Variants in PLCG1 observed in about 807,000 individuals in gnomAD.
PLCG1 encodes the protein phospholipase C gamma 1, also known as 1-phosphatidylinositol 4,5-bisphosphate phosphodiesterase gamma-1.
Under a neutral mutation model 177.8 loss-of-function variants are expected in PLCG1, and 71 were observed. The ratio of observed to expected loss-of-function variants is 0.40; its 90% CI spans 0.33 to 0.49. PLCG1 has a LOEUF of 0.49. Ranked by LOEUF, PLCG1 falls within the 20% of genes least tolerant of loss-of-function variation. The probability of loss-of-function intolerance (pLI) is 0.72; values close to 1 mark genes in which losing one functional copy is unlikely to be tolerated. For missense variants in PLCG1, 1,281 were observed against 1,709.0 expected (o/e 0.75, Z 4.42); for synonymous variants, 658 against 647.9 (o/e 1.02, Z -0.24).
At chr20:41,161,103 C>G (rs2035480741) in intron 4 of PLCG1, among the ~76,000 whole-genome samples, 2 of 152,022 alleles carry the variant, frequency 1.3e-5, no homozygotes. Flanking sequence ...ACCTAGGGGG[C>G]AAGCAGACCA....
rs1342958635 is a variant in PLCG1 at position 41,163,672 on chromosome 20, G to T, written c.892-43G>T. On this transcript the variant is annotated intron_variant, in intron 9 of 31. Coordinates refer to ENST00000685551, the MANE Select transcript of PLCG1 (RefSeq NM_002660.3). The surrounding 1 kb of genome is among the most constrained non-coding windows in gnomAD (Gnocchi z 5.2). ...AACCTACCATCTTGGGTTGGACAGG[G>T]CAGGGACTCACTGTCTCTTCCCTTC... 1 of 1,380,596 alleles carries T rather than the reference G, an allele frequency of 7.2e-7. No individual in the cohort carries two copies. Among genetic ancestry groups the T allele is most frequent in the Admixed American group, 1.7e-5 (1 of 59,720 alleles). The allele number at this position is 1,380,596 out of a possible 1,614,324, so 85.5% of individuals were successfully genotyped here.
chr20:41,171,586 CAAAAAAAAAAAAAA>C (rs71844995), intron 24 of PLCG1, among the ~76,000 whole-genome samples: 2 of 64,098 alleles, frequency 3.1e-5, no homozygotes, highest in Non-Finnish European at 5.7e-5. Flanking sequence ...GACTCTGTCT[CAAAAAAAAAAAAAA>C]AAAAAAAAAG....
In PLCG1 at chr20:41,168,758, C is replaced by A. The variant is rs777494955; in HGVS notation, c.2380-9C>A. 5 of 1,570,050 alleles carry A rather than the reference C, an allele frequency of 3.2e-6. No homozygotes were observed. In the East Asian group the frequency reaches 9.0e-5, roughly 28 times the overall value. ...TTTCTGCTCTGACTGGTGCTTCTCA[C>A]CTCTGCAGTGTGCAGTCAAAGCCCT... On this transcript the variant is annotated splice_polypyrimidine_tract_variant and intron_variant, in intron 20 of 31. Coordinates refer to ENST00000685551, the MANE Select transcript of PLCG1 (RefSeq NM_002660.3).
chr20:41,159,849 CT>C lies in PLCG1; in HGVS notation c.371-20del. ...TGGGAGGTATGTGCCCTCGGGGCAG[CT>C]ATTGATACCTTGCTCACAGCCACAT... is the stretch of plus-strand genomic sequence containing the variant. On this transcript the variant is annotated intron_variant, in intron 2 of 31. Coordinates refer to ENST00000685551, the MANE Select transcript of PLCG1 (RefSeq NM_002660.3). The surrounding 1 kb of genome is among the most constrained non-coding windows in gnomAD (Gnocchi z 6.0). The C allele has an allele frequency of 6.2e-7, 1 of 1,612,822 alleles. No individual in the cohort carries two copies. Among genetic ancestry groups the C allele is most frequent in the Non-Finnish European group, 8.5e-7 (1 of 1,178,800 alleles).
At chr20:41,162,607 C>T in intron 5 of PLCG1, 35 bp from the exon 6 acceptor site, 1 of 1,608,744 alleles carries the variant, frequency 6.2e-7, no homozygotes, top group Non-Finnish European at 8.5e-7. Context: ...GGGGGCCTGA[C>T]TGCCTGACTG....
Position 41,165,397 on chromosome 20 carries a change from G to A in PLCG1, c.1509+30G>A. ...GGACTGGGCCAGGCTGGGGGTGGTA[G>A]GCCAGTGGGTGTGAGGACCCTGGCT... On this transcript the variant is annotated intron_variant, in intron 14 of 31. Coordinates refer to ENST00000685551, the MANE Select transcript of PLCG1 (RefSeq NM_002660.3). This position sits in a 1 kb window ranked among gnomAD's most constrained non-coding sequence, Gnocchi z 6.6. 1 of 1,613,966 alleles carries A rather than the reference G, an allele frequency of 6.2e-7. No homozygotes were observed. The highest frequency in any genetic ancestry group is 8.5e-7 in the Non-Finnish European group (1 of 1,179,892).
intron 1 of PLCG1, among the ~76,000 whole-genome samples, chr20:41,149,131 C>T (rs1208546331): frequency 6.6e-6 from 1 of 152,214 alleles, no homozygotes; most frequent in Non-Finnish European, 1.5e-5. Flanking sequence ...TGTTGCTCAT[C>T]GTCTCTTCCC....
chr20:41,173,772 T>G lies in PLCG1; in HGVS notation c.3515T>G (p.Phe1172Cys). ...GAAGACATGTTTAGTGACCAGAATT[T>G]CCTGGCTCAGGCTACTTTCCCAGTA... ...YEEDMFSDQN[F>C]LAQATFPVKG... is the part of the protein sequence containing the mutation. Residue 1172 changes from phenylalanine (F) to cysteine (C), a missense_variant, in exon 29 of 32, where the codon TTC (phenylalanine) becomes TGC (cysteine). Physicochemically the swap from Phe to Cys is radical, Grantham distance 205. Transcript: ENST00000685551. This position sits in a 1 kb window ranked among gnomAD's most constrained non-coding sequence, Gnocchi z 6.2. 1 of 1,614,162 alleles carries G rather than the reference T, an allele frequency of 6.2e-7. No homozygotes were observed. Among genetic ancestry groups the G allele is most frequent in the Non-Finnish European group, 8.5e-7 (1 of 1,180,020 alleles).
Position 41,153,351 on chromosome 20 carries a change from T to C in PLCG1, c.218-6255T>C, listed in dbSNP as rs577789374. On this transcript the variant is annotated intron_variant, in intron 1 of 31. Coordinates refer to ENST00000685551, the MANE Select transcript of PLCG1 (RefSeq NM_002660.3). The surrounding 1 kb of genome is among the most constrained non-coding windows in gnomAD (Gnocchi z 5.1). ...AGTACAGTACTGTGATCATAGCTCA[T>C]AGAGCTTCCTACTCATCTGCAGCCT... 1.3e-5 allele frequency among the ~76,000 whole-genome samples: 2 copies of C among 152,324 alleles called. No individual in the cohort carries two copies. The highest frequency in any genetic ancestry group is 4.8e-5 in the African/African-American group (2 of 41,574).
Position 41,148,885 on chromosome 20 carries a change from A to C in PLCG1, c.218-10721A>C, listed in dbSNP as rs561632787. ...TAGGGTACAGGCAGTCTTGGCTTTG[A>C]AGTATTGTTGGCTTTGCCACTCACC... On this transcript the variant is annotated intron_variant, in intron 1 of 31. Coordinates refer to ENST00000685551, the MANE Select transcript of PLCG1 (RefSeq NM_002660.3). This position sits in a 1 kb window ranked among gnomAD's most constrained non-coding sequence, Gnocchi z 4.3. Among the ~76,000 whole-genome samples the C allele has an allele frequency of 5.9e-5, 9 of 152,262 alleles. No individual in the cohort carries two copies. Among genetic ancestry groups the C allele is most frequent in the African/African-American group, 1.9e-4 (8 of 41,548 alleles).
Position 41,172,148 on chromosome 20 carries a change from G to C in PLCG1, c.2809-45G>C, listed in dbSNP as rs779081283. The C allele has an allele frequency of 2.0e-6, 3 of 1,492,230 alleles. No individual in the cohort carries two copies. The African/African-American group carries it at 4.1e-5, about 21-fold the overall frequency. 92.4% of individuals were successfully genotyped at this position (1,492,230 alleles called of 1,614,324 possible). On this transcript the variant is annotated intron_variant, in intron 24 of 31. Transcript: ENST00000685551. The surrounding 1 kb of genome is among the most constrained non-coding windows in gnomAD (Gnocchi z 7.0). ...GTTGGCAGGGGCTTCCTTCTCCTGGGCAGGGCTGTAGCCTGGGGCTACAGG... is the reference window on the plus strand; with the variant it reads ...GTTGGCAGGGGCTTCCTTCTCCTGGCCAGGGCTGTAGCCTGGGGCTACAGG...
rs974305172 is a variant in PLCG1, at chr20:41,167,795, T to A, written c.2302-57T>A. 7.9e-7 allele frequency: 1 copy of A among 1,270,396 alleles called. No individual in the cohort carries two copies. The highest frequency in any genetic ancestry group is 1.2e-6 in the Non-Finnish European group (1 of 869,268). 78.7% of individuals were successfully genotyped at this position (1,270,396 alleles called of 1,614,324 possible). A position where few individuals can be genotyped will look rare whatever the true frequency, so the allele number is the denominator to read the frequency against. On this transcript the variant is annotated intron_variant, in intron 19 of 31. Transcript: ENST00000685551. The surrounding 1 kb of genome is among the most constrained non-coding windows in gnomAD (Gnocchi z 4.4). Reference sequence around the variant, plus strand: ...GGAAGCTGCTCCAGAAACCAGTAGCTGCTTTCTACCTCTGGGCTCTGGGGC... The same window carrying A: ...GGAAGCTGCTCCAGAAACCAGTAGCAGCTTTCTACCTCTGGGCTCTGGGGC...
Position 41,137,760 on chromosome 20 carries a change from C to T in PLCG1, c.119C>T (p.Ser40Phe). 1.5e-6 allele frequency: 2 copies of T among 1,291,516 alleles called. No individual in the cohort carries two copies. Among genetic ancestry groups the T allele is most frequent in the African/African-American group, 1.5e-5 (1 of 65,580 alleles). The allele number at this position is 1,291,516 out of a possible 1,614,324, so 80.0% of individuals were successfully genotyped here. A position where few individuals can be genotyped will look rare whatever the true frequency, so the allele number is the denominator to read the frequency against. The change falls in exon 1 of 32, where the codon TCC (serine) becomes TTC (phenylalanine). Residue 40 changes from serine to phenylalanine, a missense_variant. This residue lies in a region of PLCG1 where 374 missense variants were observed against 443.8 expected (regional missense o/e 0.84). Coordinates refer to ENST00000685551, the MANE Select transcript of PLCG1 (RefSeq NM_002660.3). This position sits in a 1 kb window ranked among gnomAD's most constrained non-coding sequence, Gnocchi z 7.3. ...GGCACCGTCATGACTTTGTTCTACTCCAAGAAGTCGCAGCGACCCGAGCGG... is the reference window on the plus strand; with the variant it reads ...GGCACCGTCATGACTTTGTTCTACTTCAAGAAGTCGCAGCGACCCGAGCGG... ...EVGTVMTLFY[S>F]KKSQRPERKT...
rs1189630843 is a variant in PLCG1 at position 41,148,384 on chromosome 20, GC to G, written c.217+10530del. ...CTTCCCCCACCACTATGAGTCCTAG[GC>G]CCCTGTTGTTTCCTTGTAGGAGGGA... On this transcript the variant is annotated intron_variant, in intron 1 of 31. Transcript: ENST00000685551. The surrounding 1 kb of genome is among the most constrained non-coding windows in gnomAD (Gnocchi z 4.3). 3.3e-5 allele frequency among the ~76,000 whole-genome samples: 5 copies of G among 152,054 alleles called. No individual in the cohort carries two copies. The highest frequency in any genetic ancestry group is 1.2e-4 in the African/African-American group (5 of 41,388).
In PLCG1 at chr20:41,146,479, C is replaced by T. The variant is rs1022080290; in HGVS notation, c.217+8621C>T. ...GGCTGTGAGGGGCCTGGGCGCAAGG[C>T]AGCAAGGCTTGGGTACGGAGGAGAG... is the stretch of plus-strand genomic sequence containing the variant. On this transcript the variant is annotated intron_variant, in intron 1 of 31. Coordinates refer to ENST00000685551, the MANE Select transcript of PLCG1 (RefSeq NM_002660.3). The surrounding 1 kb of genome is among the most constrained non-coding windows in gnomAD (Gnocchi z 6.3). Among the ~76,000 whole-genome samples the T allele has an allele frequency of 3.3e-5, 5 of 152,222 alleles. No homozygotes were observed. The highest frequency in any genetic ancestry group is 1.2e-4 in the African/African-American group (5 of 41,444).
Position 41,163,896 on chromosome 20 carries a change from TA to T in PLCG1, c.1011-24del, listed in dbSNP as rs754058965. Reference sequence around the variant, plus strand: ...CCAGGAGGGCCCATCTGACCATACCTACCTGCCTCTCCTTGCCTATCCAGGT... The same window carrying T: ...CCAGGAGGGCCCATCTGACCATACCTCCTGCCTCTCCTTGCCTATCCAGGT... On this transcript the variant is annotated intron_variant, in intron 10 of 31. Coordinates refer to ENST00000685551, the MANE Select transcript of PLCG1 (RefSeq NM_002660.3). This position sits in a 1 kb window ranked among gnomAD's most constrained non-coding sequence, Gnocchi z 5.2. The T allele has an allele frequency of 1.9e-5, 31 of 1,612,778 alleles. No homozygotes were observed. The South Asian group carries it at 3.4e-4, about 18-fold the overall frequency.
rs192702880 is a variant in PLCG1, at chr20:41,157,524, G to T, written c.218-2082G>T. On this transcript the variant is annotated intron_variant, in intron 1 of 31. Transcript: ENST00000685551. This position sits in a 1 kb window ranked among gnomAD's most constrained non-coding sequence, Gnocchi z 5.4. ...TTTGGTTTTCCCTCCTTCTGCCTGT[G>T]TACCTGCCTTTTTCATTTCTTCAGT... 2.0e-5 allele frequency among the ~76,000 whole-genome samples: 3 copies of T among 152,234 alleles called. No homozygotes were observed. The highest frequency in any genetic ancestry group is 6.5e-5 in the Admixed American group (1 of 15,298).
chr20:41,143,899 G>C (rs1392529478), intron 1 of PLCG1, among the ~76,000 whole-genome samples: 2 of 152,192 alleles, frequency 1.3e-5, no homozygotes, highest in African/African-American at 4.8e-5. Flanking sequence ...CCACTTAACA[G>C]TATTCATTTC....
Position 41,163,872 on chromosome 20 carries a change from C to T in PLCG1, c.1010+39C>T. The T allele has an allele frequency of 1.2e-6, 2 of 1,607,980 alleles. No individual in the cohort carries two copies. Among genetic ancestry groups the T allele is most frequent in the East Asian group, 2.2e-5 (1 of 44,856 alleles). ...CTTCAGGCCCACCCAGCTTCTTCCC[C>T]AGGAGGGCCCATCTGACCATACCTA... On this transcript the variant is annotated intron_variant, in intron 10 of 31. Coordinates refer to ENST00000685551, the MANE Select transcript of PLCG1 (RefSeq NM_002660.3). This position sits in a 1 kb window ranked among gnomAD's most constrained non-coding sequence, Gnocchi z 5.2.
Sources: gnomAD v4.1 joint callset for allele counts (sites outside exome capture counted in the v4.1 genomes callset) on GRCh38, gnomAD v4.1.1 for gene constraint, gnomAD v4.1.1 regional missense constraint, Gnocchi (gnomAD v3.1) non-coding constraint, MANE v1.5 for transcripts, NCBI Gene and HGNC (gene_info 2026-07-23, HGNC 2026-07-21) for gene names.